The following SENP7 variants were observed in gnomAD, a reference collection of about 807,000 sequenced individuals.
SENP7 encodes the protein SUMO specific peptidase 7.
A neutral mutation model predicts 141.2 loss-of-function variants in SENP7; 64 were observed. The observed-to-expected ratio is 0.45, with a 90% confidence interval of 0.37 to 0.56. The LOEUF (loss-of-function observed/expected upper bound fraction) is 0.56. Ranked by LOEUF, SENP7 falls within the 20% of genes least tolerant of loss-of-function variation. The pLI is 0.00. For synonymous variants in SENP7, 382 were observed against 426.4 expected, an observed-to-expected ratio of 0.90 and a Z score of 1.28; for missense variants, 1,025 against 1,212.2, an observed-to-expected ratio of 0.85 and a Z score of 2.29.
intron 10 of SENP7, among the ~76,000 whole-genome samples, chr3:101,363,580 C>G (rs897543100): frequency 2.6e-5 from 4 of 152,158 alleles, no homozygotes; most frequent in African/African-American, 4.8e-5. Context: ...AATTCTTCTA[C>G]AAGTTTAAAT....
chr3:101,431,245 C>G (rs1384517810), intron 4 of SENP7, among the ~76,000 whole-genome samples: 1 of 152,094 alleles, frequency 6.6e-6, no homozygotes, highest in Non-Finnish European at 1.5e-5. Context: ...TGTTAACCTT[C>G]TGTCTCATTG....
chr3:101,336,452 G>C (rs1308755555), intron 17 of SENP7, among the ~76,000 whole-genome samples: 1 of 152,130 alleles, frequency 6.6e-6, no homozygotes, highest in East Asian at 1.9e-4. Flanking sequence ...AAAGATTTAA[G>C]TACCAACTAG....
At chr3:101,352,598 A>C (rs1415323200) in intron 11 of SENP7, among the ~76,000 whole-genome samples, 1 of 152,034 alleles carries the variant, frequency 6.6e-6, no homozygotes, top group Non-Finnish European at 1.5e-5. Flanking sequence ...TACTATCTAA[A>C]GCAGACTTCT....
chr3:101,492,430 C>T (rs2065003811), intron 3 of SENP7, among the ~76,000 whole-genome samples: 2 of 152,090 alleles, frequency 1.3e-5, no homozygotes, highest in Admixed American at 1.3e-4. Context: ...CAAAAATATA[C>T]ATTTTAAGAT....
intron 3 of SENP7, among the ~76,000 whole-genome samples, chr3:101,491,126 CTTT>C (rs199912447): frequency 6.4e-5 from 9 of 140,840 alleles, no homozygotes; most frequent in Non-Finnish European, 6.1e-5. Flanking sequence ...TCATTTTATA[CTTT>C]TTTTTTTTTT....
At chr3:101,413,899 C>T (rs1428020274) in intron 5 of SENP7, among the ~76,000 whole-genome samples, 1 of 152,138 alleles carries the variant, frequency 6.6e-6, no homozygotes, top group Non-Finnish European at 1.5e-5. Flanking sequence ...CATTAAGGGC[C>T]TTGTGTGCCA....
At chr3:101,347,628 A>T (rs1232517728) in intron 13 of SENP7, 1 of 204,594 alleles carries the variant, frequency 4.9e-6, no homozygotes, top group Non-Finnish European at 9.7e-6. Flanking sequence ...AGGCTGAGGC[A>T]GGAGAATGGC....
chr3:101,474,321 G>C (rs755348982), intron 3 of SENP7, among the ~76,000 whole-genome samples: 7 of 152,184 alleles, frequency 4.6e-5, no homozygotes, highest in Non-Finnish European at 4.4e-5. Flanking sequence ...TCCTATCCAT[G>C]AGCATGGAAT....
At chr3:101,328,385 C>A in intron 22 of SENP7, 93 bp downstream of exon 22, 2 of 779,836 alleles carry the variant, frequency 2.6e-6, no homozygotes, top group Non-Finnish European at 4.3e-6. Context: ...AAATATAATT[C>A]CTGATATAGT....
intron 4 of SENP7, chr3:101,457,447 C>G: frequency 6.3e-7 from 1 of 1,595,758 alleles, no homozygotes; most frequent in East Asian, 2.2e-5. Flanking sequence ...TGCTTTGTCT[C>G]GGCATGGCCT....
At chr3:101,420,265 G>A (rs1350669590) in intron 4 of SENP7, among the ~76,000 whole-genome samples, 3 of 152,186 alleles carry the variant, frequency 2.0e-5, no homozygotes, top group Admixed American at 1.3e-4. Flanking sequence ...CTACTCAGGA[G>A]GCTGAGGCAA....
chr3:101,339,338 A>T (rs1422285624), intron 16 of SENP7, among the ~76,000 whole-genome samples: 1 of 152,228 alleles, frequency 6.6e-6, no homozygotes, highest in Non-Finnish European at 1.5e-5. Flanking sequence ...CTAGAGATAC[A>T]GTACAAAATG....
intron 3 of SENP7, among the ~76,000 whole-genome samples, chr3:101,483,432 A>G (rs6769727): frequency 0.4 from 60,327 of 151,956 alleles, 12,488 homozygotes; most frequent in Admixed American, 0.54. Flanking sequence ...TCATGGACAT[A>G]AAGATGGCAA....
intron 3 of SENP7, among the ~76,000 whole-genome samples, chr3:101,489,503 C>CTCTTTTTTATATTCTTATAT (rs374267132): frequency 0.13 from 19,600 of 151,866 alleles, 1,319 homozygotes; most frequent in South Asian, 0.18. Flanking sequence ...AGAGCAGGAG[C>CTCTTTTTTATATTCTTATAT]CACTATTCTT....
intron 7 of SENP7, among the ~76,000 whole-genome samples, chr3:101,371,207 T>G (rs1302447318): frequency 6.6e-6 from 1 of 152,052 alleles, no homozygotes; most frequent in East Asian, 1.9e-4. Flanking sequence ...GAGGATCACT[T>G]GAGCCCAGGA....
intron 3 of SENP7, among the ~76,000 whole-genome samples, chr3:101,463,378 T>TATATATATATATATATATAA (rs2063632896): frequency 1.2e-5 from 1 of 84,410 alleles, no homozygotes; most frequent in Non-Finnish European, 2.2e-5. Flanking sequence ...TATATATATA[T>TATATATATATATATATATAA]ATATATATAT....
At chr3:101,446,867 G>C (rs1248452978) in intron 4 of SENP7, among the ~76,000 whole-genome samples, 1 of 151,778 alleles carries the variant, frequency 6.6e-6, no homozygotes, top group South Asian at 2.1e-4. Flanking sequence ...AGAAAAGCAA[G>C]AACAAACATA....
chr3:101,353,195 G>T (rs2059655608), intron 11 of SENP7, among the ~76,000 whole-genome samples: 1 of 151,958 alleles, frequency 6.6e-6, no homozygotes, highest in Non-Finnish European at 1.5e-5. Flanking sequence ...TTTCTGGCAT[G>T]TTTCACAGGG....
intron 1 of SENP7, among the ~76,000 whole-genome samples, chr3:101,502,054 G>A (rs1032291532): frequency 6.6e-6 from 1 of 152,152 alleles, no homozygotes; most frequent in Admixed American, 6.5e-5. Flanking sequence ...ATATATTCAC[G>A]ACCTTTGGGT....
Sources: gnomAD v4.1 joint callset for allele counts (sites outside exome capture counted in the v4.1 genomes callset) on GRCh38, gnomAD v4.1.1 for gene constraint, MANE v1.5 for transcripts, NCBI Gene and HGNC (gene_info 2026-07-23, HGNC 2026-07-21) for gene names.